BOLA3: variants seen among roughly 807,000 people sequenced by gnomAD.
BOLA3 encodes bolA-like protein 3.
In BOLA3, 8 loss-of-function variants were observed where a neutral mutation model predicts 14.5. That is an observed-to-expected ratio of 0.55 (90% CI 0.32 to 0.99). The LOEUF is 0.99. BOLA3 is among the 50% of genes least tolerant of loss of function. The probability of loss-of-function intolerance (pLI) is 0.04; values close to 1 mark genes in which losing one functional copy is unlikely to be tolerated. For missense variants in BOLA3, 115 were observed against 138.2 expected (o/e 0.83, Z 0.84); for synonymous variants, 42 against 45.7 (o/e 0.92, Z 0.33).
chr2:74,138,959 G>C (rs1349287046), intron 3 of BOLA3, among the ~76,000 whole-genome samples: 2 of 152,230 alleles, frequency 1.3e-5, no homozygotes, highest in African/African-American at 4.8e-5. Flanking sequence ...CAGGATGGCA[G>C]GAGGACAGGT....
At position 74,135,413 on chromosome 2, in the gene BOLA3, G is replaced by A. The variant is rs1692304784; in HGVS notation, c.*180C>T. 4.8e-6 allele frequency: 5 copies of A among 1,050,646 alleles called. No individual in the cohort carries two copies. Among genetic ancestry groups the A allele is most frequent in the South Asian group, 1.4e-5 (1 of 71,158 alleles). 65.1% of individuals were successfully genotyped at this position (1,050,646 alleles called of 1,614,324 possible). The stretch of plus-strand genomic sequence containing the variant: ...AAACATTACTAATGACCCTTCAAAA[G>A]CTTCAGTTGTTTGTTTCCTTTAATT... On this transcript the variant is annotated 3_prime_UTR_variant, in exon 4 of 4. Transcript: ENST00000327428.
chr2:74,143,232 T>C (rs1692479537), intron 2 of BOLA3, among the ~76,000 whole-genome samples: 1 of 152,040 alleles, frequency 6.6e-6, no homozygotes, highest in Admixed American at 6.6e-5. Flanking sequence ...CTGGGCTCAC[T>C]GCAAGCTCCG....
At chr2:74,135,803 AT>A (rs1572938898) in intron 3 of BOLA3, 145 bp from the exon 4 acceptor site, 18 of 665,604 alleles carry the variant, frequency 2.7e-5, no homozygotes, top group South Asian at 7.4e-5. Flanking sequence ...TTGAAAAACA[AT>A]TTTTTTTAAA....
At chr2:74,144,368 A>T (rs1463799191) in intron 2 of BOLA3, among the ~76,000 whole-genome samples, 1 of 152,156 alleles carries the variant, frequency 6.6e-6, no homozygotes, top group Non-Finnish European at 1.5e-5. Context: ...TACTTTCTAA[A>T]CTTTCTCCTC....
chr2:74,142,238 G>A (rs750216830), intron 3 of BOLA3, 34 bp downstream of exon 3: 9 of 1,516,012 alleles, frequency 5.9e-6, no homozygotes, highest in Non-Finnish European at 8.2e-6. Context: ...GAGGCTGAAG[G>A]CCAGTGGCAA....
chr2:74,142,462 T>C, intron 2 of BOLA3, 102 bp from the exon 3 acceptor site: 1 of 911,458 alleles, frequency 1.1e-6, no homozygotes, highest in Non-Finnish European at 1.8e-6. Flanking sequence ...CTGAATATTA[T>C]CATTCAGCAC....
At chr2:74,147,649 G>A (rs1169159518) in intron 1 of BOLA3, 172 bp downstream of exon 1, 5 of 694,702 alleles carry the variant, frequency 7.2e-6, no homozygotes, top group African/African-American at 1.8e-5. Context: ...CGTTGTCGCT[G>A]AGTGAATGAA....
intron 3 of BOLA3, among the ~76,000 whole-genome samples, chr2:74,141,562 G>C (rs1314583315): frequency 1.3e-5 from 2 of 152,080 alleles, no homozygotes; most frequent in South Asian, 2.1e-4. Flanking sequence ...AGAGAAGGGT[G>C]GGGGGAAATG....
intron 3 of BOLA3, among the ~76,000 whole-genome samples, chr2:74,139,221 G>A (rs1692392373): frequency 1.3e-5 from 2 of 152,162 alleles, no homozygotes; most frequent in Admixed American, 1.3e-4. Context: ...CGGATGGGTT[G>A]GGCGACCTTT....
chr2:74,143,130 G>A (rs1692477484), intron 2 of BOLA3, among the ~76,000 whole-genome samples: 1 of 152,044 alleles, frequency 6.6e-6, no homozygotes, highest in Non-Finnish European at 1.5e-5. Flanking sequence ...TGTGTGAGAG[G>A]TGCAACGTAC....
chr2:74,136,969 T>C (rs1572939667), intron 3 of BOLA3, among the ~76,000 whole-genome samples: 1 of 152,106 alleles, frequency 6.6e-6, no homozygotes, highest in South Asian at 2.1e-4. Context: ...AGAATCAGAG[T>C]GGGGCTTGGA....
chr2:74,142,508 T>C (rs1353204855), intron 2 of BOLA3, 148 bp from the exon 3 acceptor site: 6 of 707,778 alleles, frequency 8.5e-6, no homozygotes, highest in Admixed American at 2.1e-5. Flanking sequence ...GAAAAGATCA[T>C]GGCTTCCAAT....
rs372348759 is a variant in BOLA3, at chr2:74,145,175, G to A, written c.169+14C>T. Reference sequence around the variant, plus strand: ...CTTATCCAAGCGCCGTAGGAAGAGTGAGAGAAACCTTACCTGAAATGTCAG... The same window carrying A: ...CTTATCCAAGCGCCGTAGGAAGAGTAAGAGAAACCTTACCTGAAATGTCAG... On this transcript the variant is annotated intron_variant, in intron 2 of 3. Transcript: ENST00000327428. 6.3e-6 allele frequency: 9 copies of A among 1,434,090 alleles called. 1 individual carries two copies. In the East Asian group the frequency reaches 1.4e-4, roughly 22 times the overall value. The allele number at this position is 1,434,090 out of a possible 1,614,324, so 88.8% of individuals were successfully genotyped here. A position where few individuals can be genotyped will look rare whatever the true frequency, so the allele number is the denominator to read the frequency against.
chr2:74,145,555 G>T (rs1434785774), intron 1 of BOLA3: 2 of 533,128 alleles, frequency 3.8e-6, no homozygotes, highest in East Asian at 6.6e-5. Context: ...AGAGACAAGA[G>T]GCCCCAAACC....
In BOLA3 at chr2:74,135,554, A is replaced by C; in HGVS notation, c.*39T>G. 6.2e-7 allele frequency: 1 copy of C among 1,613,282 alleles called. No homozygotes were observed. The highest frequency in any genetic ancestry group is 8.5e-7 in the Non-Finnish European group (1 of 1,179,510). On this transcript the variant is annotated 3_prime_UTR_variant, in exon 4 of 4. Coordinates refer to ENST00000327428, the MANE Select transcript of BOLA3 (RefSeq NM_212552.3). ...AGAATGATGTCAGTGAAGTTCATCCAAGGTCTTAAGCAGCAGCATCTATGC... is the reference window on the plus strand; with the variant it reads ...AGAATGATGTCAGTGAAGTTCATCCCAGGTCTTAAGCAGCAGCATCTATGC...
At chr2:74,140,733 C>T (rs547768314) in intron 3 of BOLA3, among the ~76,000 whole-genome samples, 1 of 152,332 alleles carries the variant, frequency 6.6e-6, no homozygotes, top group South Asian at 2.1e-4. Context: ...ATGGCGGTCA[C>T]ATTTATGGAA....
At chr2:74,141,572 G>T (rs527696958) in intron 3 of BOLA3, among the ~76,000 whole-genome samples, 1 of 152,086 alleles carries the variant, frequency 6.6e-6, no homozygotes, top group African/African-American at 2.4e-5. Flanking sequence ...GGGGGGAAAT[G>T]CGTGAACAGC....
rs1692519765 is a variant in BOLA3 at position 74,145,107 on chromosome 2, C to G, written c.169+82G>C. On this transcript the variant is annotated intron_variant, in intron 2 of 3. Coordinates refer to ENST00000327428, the MANE Select transcript of BOLA3 (RefSeq NM_212552.3). The stretch of plus-strand genomic sequence containing the variant: ...AAGCCACTCACCAGCAGCAAGCCCC[C>G]TCCTCCAAGCCCCTGACCCTCTGTC... 8.5e-6 allele frequency: 7 copies of G among 821,980 alleles called. No homozygotes were observed. The South Asian group carries it at 9.4e-5, about 11-fold the overall frequency. 50.9% of individuals were successfully genotyped at this position (821,980 alleles called of 1,614,324 possible).
intron 1 of BOLA3, 105 bp from the exon 2 acceptor site, chr2:74,145,408 C>A: frequency 1.3e-6 from 1 of 773,842 alleles, no homozygotes; most frequent in East Asian, 2.5e-5. Flanking sequence ...AGGCAGGCCC[C>A]TGAGCCCTCG....
Sources: allele counts gnomAD v4.1 joint callset (sites outside exome capture counted in the v4.1 genomes callset), GRCh38; gene constraint gnomAD v4.1.1; transcripts MANE v1.5; gene names NCBI Gene and HGNC (gene_info 2026-07-23, HGNC 2026-07-21).